The following TMPRSS11F variants were observed in gnomAD, a reference collection of about 807,000 sequenced individuals.
TMPRSS11F encodes the protein transmembrane protease serine 11F.
A neutral mutation model predicts 60.2 loss-of-function variants in TMPRSS11F; 47 were observed. The observed-to-expected ratio is 0.78, with a 90% confidence interval of 0.62 to 1.00. The LOEUF is 1.00. Among genes scored for constraint, TMPRSS11F ranks in the 50% least tolerant of loss-of-function variants. The probability of loss-of-function intolerance (pLI) is 0.00; values close to 1 mark genes in which losing one functional copy is unlikely to be tolerated. For synonymous variants in TMPRSS11F, 166 were observed against 167.3 expected (o/e 0.99, Z 0.06); for missense variants, 519 against 522.9 (o/e 0.99, Z 0.07).
At chr4:68,112,477 C>T (rs2109881744) in intron 1 of TMPRSS11F, among the ~76,000 whole-genome samples, 1 of 152,064 alleles carries the variant, frequency 6.6e-6, no homozygotes, top group East Asian at 1.9e-4. Context: ...GCTTATGTTC[C>T]CATGGTGCCC....
intron 2 of TMPRSS11F, among the ~76,000 whole-genome samples, chr4:68,096,295 C>A (rs1339269232): frequency 1.3e-5 from 2 of 152,086 alleles, no homozygotes; most frequent in East Asian, 1.9e-4. Context: ...CAATAAGAAT[C>A]CAAATGGAAA....
chr4:68,093,527 T>C (rs1302569825), intron 2 of TMPRSS11F, among the ~76,000 whole-genome samples: 1 of 151,798 alleles, frequency 6.6e-6, no homozygotes, highest in African/African-American at 2.4e-5. Context: ...GCAATGGCAA[T>C]AAAAGCCAAA....
chr4:68,118,425 G>A (rs1007234961), intron 1 of TMPRSS11F, among the ~76,000 whole-genome samples: 5 of 151,974 alleles, frequency 3.3e-5, no homozygotes, highest in Non-Finnish European at 5.9e-5. Flanking sequence ...TGTATTACAC[G>A]TATACAAAAA....
chr4:68,065,957 A>G (rs1007519784), intron 7 of TMPRSS11F, among the ~76,000 whole-genome samples: 2 of 152,070 alleles, frequency 1.3e-5, no homozygotes, highest in Non-Finnish European at 2.9e-5. Flanking sequence ...TTCTACTAAA[A>G]ATACAAAAAT....
intron 1 of TMPRSS11F, 131 bp downstream of exon 1, chr4:68,129,679 A>G: frequency 6.6e-6 from 5 of 759,368 alleles, no homozygotes; most frequent in Non-Finnish European, 1.0e-5. Flanking sequence ...TTAATATAAA[A>G]TACAATAACA....
intron 3 of TMPRSS11F, among the ~76,000 whole-genome samples, chr4:68,083,205 A>T (rs761673033): frequency 1.2e-4 from 18 of 152,146 alleles, no homozygotes; most frequent in Non-Finnish European, 2.2e-4. Flanking sequence ...CTTCCACAAC[A>T]TTGCAGGTCT....
intron 3 of TMPRSS11F, among the ~76,000 whole-genome samples, chr4:68,084,278 C>T (rs1231926003): frequency 6.6e-6 from 1 of 152,082 alleles, no homozygotes; most frequent in African/African-American, 2.4e-5. Flanking sequence ...TCCCCAATCT[C>T]ACTAGAGAAG....
chr4:68,098,537 A>C (rs1369741357), intron 2 of TMPRSS11F, among the ~76,000 whole-genome samples: 2 of 152,142 alleles, frequency 1.3e-5, no homozygotes, highest in Non-Finnish European at 2.9e-5. Context: ...TTATATCCTG[A>C]GCTTTTCTTG....
chr4:68,110,218 A>G (rs1724386096), intron 1 of TMPRSS11F, among the ~76,000 whole-genome samples: 1 of 152,170 alleles, frequency 6.6e-6, no homozygotes, highest in Admixed American at 6.6e-5. Flanking sequence ...TCCTTACTAC[A>G]CACATATACA....
chr4:68,059,383 C>G lies in TMPRSS11F; in HGVS notation c.1101G>C (p.Leu367=), dbSNP rs75372399. ...VCNRKDVYDG[L]ITPGMLCAGF... Reference sequence around the variant, plus strand: ...CAGCACATAACATTCCTGGAGTTATCAGGCCATCATACACATCCTTTCTGT... The same window carrying G: ...CAGCACATAACATTCCTGGAGTTATGAGGCCATCATACACATCCTTTCTGT... Residue 367 remains leucine, a synonymous_variant, in exon 9 of 10, where the codon CTG becomes CTC. Transcript: ENST00000356291. The G allele has an allele frequency of 1.4e-4, 221 of 1,613,876 alleles. 1 individual carries two copies. In the East Asian group the frequency reaches 4.7e-3, roughly 34 times the overall value.
intron 3 of TMPRSS11F, among the ~76,000 whole-genome samples, chr4:68,078,365 C>T (rs1250234244): frequency 6.6e-6 from 1 of 152,184 alleles, no homozygotes; most frequent in Non-Finnish European, 1.5e-5. Flanking sequence ...TTAGCTCTAA[C>T]TTGCCCTCCT....
intron 1 of TMPRSS11F, among the ~76,000 whole-genome samples, chr4:68,118,723 G>A (rs1368968701): frequency 5.3e-5 from 8 of 152,078 alleles, no homozygotes; most frequent in Non-Finnish European, 1.2e-4. Flanking sequence ...AAATTTATAT[G>A]TAAACAATTA....
chr4:68,100,492 G>A (rs1442053246), intron 1 of TMPRSS11F, among the ~76,000 whole-genome samples: 2 of 152,080 alleles, frequency 1.3e-5, no homozygotes, highest in African/African-American at 4.8e-5. Context: ...GGGTGGAGAG[G>A]AGGCGATGGA....
intron 1 of TMPRSS11F, among the ~76,000 whole-genome samples, chr4:68,105,298 A>G (rs1421186110): frequency 1.3e-5 from 2 of 151,804 alleles, no homozygotes; most frequent in South Asian, 2.1e-4. Flanking sequence ...TTAAAGTAAA[A>G]TTGGAATAAA....
At chr4:68,082,644 A>G (rs1723722737) in intron 3 of TMPRSS11F, among the ~76,000 whole-genome samples, 5 of 152,156 alleles carry the variant, frequency 3.3e-5, no homozygotes, top group Admixed American at 3.3e-4. Flanking sequence ...CCAGTCTCCA[A>G]CCCCATGAGG....
chr4:68,094,972 C>G (rs1724041007), intron 2 of TMPRSS11F, among the ~76,000 whole-genome samples: 1 of 151,914 alleles, frequency 6.6e-6, no homozygotes, highest in Admixed American at 6.6e-5. Context: ...ATTCCAGTAA[C>G]TAAACAACAA....
At chr4:68,102,798 G>T (rs141196034) in intron 1 of TMPRSS11F, among the ~76,000 whole-genome samples, 39 of 152,092 alleles carry the variant, frequency 2.6e-4, no homozygotes, top group Middle Eastern at 3.4e-3. Flanking sequence ...TTCTTTTGCT[G>T]TGTAGAAGCT....
chr4:68,094,578 A>AT (rs2109868017), intron 2 of TMPRSS11F, among the ~76,000 whole-genome samples: 1 of 150,752 alleles, frequency 6.6e-6, no homozygotes, highest in Non-Finnish European at 1.5e-5. Flanking sequence ...TTAAAAATAA[A>AT]TAAATAAATA....
At chr4:68,081,655 A>G (rs1337043488) in intron 3 of TMPRSS11F, among the ~76,000 whole-genome samples, 2 of 152,234 alleles carry the variant, frequency 1.3e-5, no homozygotes, top group Admixed American at 1.3e-4. Context: ...AAGTCTCAGT[A>G]TGTAAACAAT....
Sources: gnomAD v4.1 joint callset for allele counts (sites outside exome capture counted in the v4.1 genomes callset) on GRCh38, gnomAD v4.1.1 for gene constraint, MANE v1.5 for transcripts, NCBI Gene and HGNC (gene_info 2026-07-23, HGNC 2026-07-21) for gene names.